FLNB: variants seen among roughly 807,000 people sequenced by gnomAD.
FLNB encodes filamin-B.
In FLNB, 111 loss-of-function variants were observed where a neutral mutation model predicts 250.6. The ratio of observed to expected loss-of-function variants is 0.44; its 90% CI spans 0.38 to 0.52. FLNB has a LOEUF of 0.52. Among genes scored for constraint, FLNB ranks in the 20% least tolerant of loss-of-function variants. The pLI, the probability that FLNB is intolerant of heterozygous loss-of-function variation, is 0.00. For synonymous variants in FLNB, 1,302 were observed against 1,372.1 expected, an observed-to-expected ratio of 0.95 and a Z score of 1.13; for missense variants, 2,869 against 3,447.8, an observed-to-expected ratio of 0.83 and a Z score of 4.20.
At chr3:58,070,407 C>G (rs72882446) in intron 1 of FLNB, among the ~76,000 whole-genome samples, 3,383 of 152,190 alleles carry the variant, frequency 0.022, 144 homozygotes, top group African/African-American at 0.077. Flanking sequence ...TTGACCATGG[C>G]CATTTCTATT....
chr3:58,019,683 T>C (rs115888407), intron 1 of FLNB, among the ~76,000 whole-genome samples: 183 of 152,350 alleles, frequency 1.2e-3, no homozygotes, highest in African/African-American at 4.2e-3. Flanking sequence ...TGGATTTTTT[T>C]TCTTCCTGTT....
At chr3:58,143,397 A>C (rs892202227) in intron 31 of FLNB, 76 bp from the exon 32 acceptor site, 1 of 1,525,290 alleles carries the variant, frequency 6.6e-7, no homozygotes, top group Non-Finnish European at 9.1e-7. Context: ...TTTTGAATAC[A>C]TCTGTGCCTT....
chr3:58,136,193 AG>A, intron 28 of FLNB, 25 bp downstream of exon 28: 1 of 1,612,564 alleles, frequency 6.2e-7, no homozygotes, highest in Non-Finnish European at 8.5e-7. Flanking sequence ...TCTCAAGGTC[AG>A]GGGCACAGGC....
intron 28 of FLNB, 36 bp downstream of exon 28, chr3:58,136,204 C>G (rs909136407): frequency 1.7e-5 from 27 of 1,608,664 alleles, no homozygotes; most frequent in Non-Finnish European, 2.1e-5. Context: ...GGGGCACAGG[C>G]TTTGCAATCA....
chr3:58,125,809 A>G (rs973741475), intron 23 of FLNB, 66 bp downstream of exon 23: 35 of 1,457,592 alleles, frequency 2.4e-5, no homozygotes, highest in Non-Finnish European at 3.3e-5. Flanking sequence ...CCTATGTGTC[A>G]TGGTTTCCTA....
intron 21 of FLNB, 86 bp downstream of exon 21, chr3:58,123,776 C>A: frequency 8.6e-7 from 1 of 1,162,048 alleles, no homozygotes; most frequent in Non-Finnish European, 1.2e-6. Flanking sequence ...GCAAACTCAG[C>A]CACCTGCAGG....
At chr3:58,084,966 T>C (rs574350971) in intron 4 of FLNB, among the ~76,000 whole-genome samples, 11 of 152,368 alleles carry the variant, frequency 7.2e-5, no homozygotes, top group African/African-American at 2.6e-4. Flanking sequence ...TCATTTGTCA[T>C]ATGTTTTCAG....
At chr3:58,167,390 T>C (rs2097372479) in intron 43 of FLNB, among the ~76,000 whole-genome samples, 1 of 152,250 alleles carries the variant, frequency 6.6e-6, no homozygotes, top group South Asian at 2.1e-4. Flanking sequence ...CGATAGCAGC[T>C]CTTTTGTTTT....
rs747449245 is a variant in FLNB at position 58,105,074 on chromosome 3, CTG to C, written c.1611-4_1611-3del. The C allele has an allele frequency of 6.2e-7, 1 of 1,614,238 alleles. No homozygotes were observed. The highest frequency in any genetic ancestry group is 1.7e-5 in the Admixed American group (1 of 60,032). Reference sequence around the variant, plus strand: ...TTTGATGCTTCTTCTATTCCTTTCCCTGTAGCCCCTTTGAAGTTCAAGTTGGC... The same window carrying C: ...TTTGATGCTTCTTCTATTCCTTTCCCTAGCCCCTTTGAAGTTCAAGTTGGC... On this transcript the variant is annotated splice_region_variant and splice_polypyrimidine_tract_variant and intron_variant, in intron 10 of 45. Coordinates refer to ENST00000295956, the MANE Select transcript of FLNB (RefSeq NM_001457.4).
rs562708333 is a variant in FLNB, at chr3:58,052,360, G to A, written c.293-24686G>A. Among the ~76,000 whole-genome samples the A allele has an allele frequency of 3.3e-5, 5 of 152,174 alleles. No individual in the cohort carries two copies. In the South Asian group the frequency reaches 1.0e-3, roughly 32 times the overall value. On this transcript the variant is annotated intron_variant, in intron 1 of 45. Coordinates refer to ENST00000295956, the MANE Select transcript of FLNB (RefSeq NM_001457.4). ...GAACTTCTTCCAACAGGACTGACAGGGTCCAAAACTACTCTTGGATCCAGC... is the reference window on the plus strand; with the variant it reads ...GAACTTCTTCCAACAGGACTGACAGAGTCCAAAACTACTCTTGGATCCAGC...
chr3:58,054,170 A>G (rs9311664), intron 1 of FLNB, among the ~76,000 whole-genome samples: 8,826 of 152,210 alleles, frequency 0.058, 824 homozygotes, highest in African/African-American at 0.2. Context: ...GATCAGTTAT[A>G]TTGCTGGCTG....
At chr3:58,159,530 C>G (rs1236008204) in intron 41 of FLNB, 24 bp from the exon 42 acceptor site, 1 of 1,613,844 alleles carries the variant, frequency 6.2e-7, no homozygotes, top group Non-Finnish European at 8.5e-7. Flanking sequence ...GGGCCATAAC[C>G]TGTCTGATGT....
At chr3:58,099,994 G>A (rs183772924) in intron 8 of FLNB, among the ~76,000 whole-genome samples, 1 of 152,138 alleles carries the variant, frequency 6.6e-6, no homozygotes, top group African/African-American at 2.4e-5. Context: ...CTCTTTTGAT[G>A]TTGAGACTGT....
At chr3:58,128,202 C>T (rs564459196) in intron 24 of FLNB, among the ~76,000 whole-genome samples, 2 of 152,278 alleles carry the variant, frequency 1.3e-5, no homozygotes, top group African/African-American at 2.4e-5. Flanking sequence ...ACTGACCACA[C>T]GCTTTCCTGA....
At position 58,141,874 on chromosome 3, in the gene FLNB, TCA is replaced by T. The variant is rs756171533; in HGVS notation, c.5129_5130del (p.Thr1710SerfsTer28). 5.6e-6 allele frequency: 9 copies of T among 1,614,184 alleles called. No individual in the cohort carries two copies. The East Asian group carries it at 1.8e-4, about 32-fold the overall frequency. On this transcript the variant is annotated frameshift_variant, in exon 30 of 46. Coordinates refer to ENST00000295956, the MANE Select transcript of FLNB (RefSeq NM_001457.4). LOFTEE classifies it high-confidence loss of function. ...ACTGACCAGGCCACAGATGGGGAAGTCACAGCCGTGGAGGAGGCACCGGTAAA... is the reference window on the plus strand; with the variant it reads ...ACTGACCAGGCCACAGATGGGGAAGTCAGCCGTGGAGGAGGCACCGGTAAA...
chr3:58,036,193 G>T (rs1482310190), intron 1 of FLNB, among the ~76,000 whole-genome samples: 1 of 152,158 alleles, frequency 6.6e-6, no homozygotes, highest in Non-Finnish European at 1.5e-5. Flanking sequence ...TGGGGCTTTG[G>T]ACCCCAGTTT....
chr3:58,169,564 C>G lies in FLNB; in HGVS notation c.7418-26C>G. The G allele has an allele frequency of 6.3e-7, 1 of 1,596,836 alleles. No homozygotes were observed. Among genetic ancestry groups the G allele is most frequent in the Admixed American group, 1.7e-5 (1 of 60,018 alleles). Reference sequence around the variant, plus strand: ...CCCCTCTTGATCTGGCCATTCATGCCTGTCCCCCTCCCTCCTGTATCTTAG... The same window carrying G: ...CCCCTCTTGATCTGGCCATTCATGCGTGTCCCCCTCCCTCCTGTATCTTAG... On this transcript the variant is annotated intron_variant, in intron 44 of 45. Transcript: ENST00000295956. This position sits in a 1 kb window ranked among gnomAD's most constrained non-coding sequence, Gnocchi z 4.8.
In FLNB at chr3:58,154,924, G is replaced by A. The variant is rs994715008; in HGVS notation, c.6768G>A (p.Glu2256=). The change falls in exon 40 of 46, where the codon GAG becomes GAA. Residue 2256 remains glutamate, a synonymous_variant. Transcript: ENST00000295956. ...GSCGVSYIAQ[E]PGNYEVSIKF... is the part of the protein sequence containing the mutation. ...GCGGTGTATCTTATATTGCCCAAGA[G>A]CCTGGTATGTATTCAGGGTTCACAA... 1.9e-6 allele frequency: 3 copies of A among 1,613,806 alleles called. No homozygotes were observed. The highest frequency in any genetic ancestry group is 3.3e-4 in the Middle Eastern group (2 of 6,084).
intron 23 of FLNB, 122 bp downstream of exon 23, chr3:58,125,865 C>A: frequency 3.2e-6 from 3 of 929,314 alleles, no homozygotes; most frequent in Non-Finnish European, 3.4e-6. Context: ...GTATTTCCTT[C>A]TGTAGAGACT....
Sources: gnomAD v4.1 joint callset for allele counts (sites outside exome capture counted in the v4.1 genomes callset) on GRCh38, gnomAD v4.1.1 for gene constraint, Gnocchi (gnomAD v3.1) non-coding constraint, MANE v1.5 for transcripts, NCBI Gene and HGNC (gene_info 2026-07-23, HGNC 2026-07-21) for gene names.